Variants in YBX3 observed in about 807,000 individuals in gnomAD.
YBX3 encodes Y-box-binding protein 3.
Under a neutral mutation model 42.4 loss-of-function variants are expected in YBX3, and 29 were observed. The observed-to-expected ratio is 0.68, with a 90% CI of 0.51 to 0.93. The LOEUF is 0.93. YBX3 is among the 40% of genes least tolerant of loss of function. The pLI is 0.00. For synonymous variants in YBX3, 195 were observed against 189.8 expected, an observed-to-expected ratio of 1.03 and a Z score of -0.22; for missense variants, 517 against 527.5, an observed-to-expected ratio of 0.98 and a Z score of 0.19.
Position 10,718,094 on chromosome 12 carries a change from T to G in YBX3, c.354A>C (p.Val118=). 1 of 1,612,130 alleles carries G rather than the reference T, an allele frequency of 6.2e-7. No individual in the cohort carries two copies. Among genetic ancestry groups the G allele is most frequent in the Non-Finnish European group, 8.5e-7 (1 of 1,179,038 alleles). ...TATTTATAATCCCTCTTACCTGATG[T>G]ACAAATACATCTTCTTTGGTGTCAT... is the stretch of plus-strand genomic sequence containing the variant. ...NRNDTKEDVF[V]HQTAIKKNNP... Residue 118 remains valine, a synonymous_variant, in exon 3 of 10, where the codon GTA becomes GTC. Coordinates refer to ENST00000228251, the MANE Select transcript of YBX3 (RefSeq NM_003651.5).
At position 10,715,742 on chromosome 12, in the gene YBX3, A is replaced by G. The variant is rs752389718; in HGVS notation, c.402T>C (p.Ser134=). Residue 134 remains serine (S), a synonymous_variant, in exon 4 of 10, where the codon AGT becomes AGC. Transcript: ENST00000228251. ...KKNNPRKYLR[S]VGDGETVEFD... ...ACTCTACAGTTTCTCCATCTCCTACACTGCGCAGATATTTCCGTGGGTTAT... is the reference window on the plus strand; with the variant it reads ...ACTCTACAGTTTCTCCATCTCCTACGCTGCGCAGATATTTCCGTGGGTTAT... 3 of 1,613,906 alleles carry G rather than the reference A, an allele frequency of 1.9e-6. No homozygotes were observed. Among genetic ancestry groups the G allele is most frequent in the African/African-American group, 2.7e-5 (2 of 74,976 alleles).
chr12:10,709,828 T>A (rs1045160439), intron 6 of YBX3, 80 bp downstream of exon 6: 6 of 1,532,872 alleles, frequency 3.9e-6, no homozygotes, highest in Non-Finnish European at 5.4e-6. Context: ...CAGCTGATGT[T>A]GGAGGAGGAG....
chr12:10,710,737 A>G (rs1167086347), intron 5 of YBX3: 1 of 470,116 alleles, frequency 2.1e-6, no homozygotes, highest in Non-Finnish European at 4.1e-6. Flanking sequence ...GACTGAATGC[A>G]GAAACAGATG....
intron 6 of YBX3, 56 bp downstream of exon 6, chr12:10,709,852 C>A (rs897816131): frequency 6.3e-7 from 1 of 1,594,474 alleles, no homozygotes; most frequent in African/African-American, 1.3e-5. Context: ...GAAGAGGAGG[C>A]AGAGAAGGAC....
At chr12:10,718,403 G>A (rs1948287618) in intron 2 of YBX3, 1 of 326,364 alleles carries the variant, frequency 3.1e-6, no homozygotes, top group South Asian at 6.6e-5. Flanking sequence ...ATCACATGGT[G>A]TGTAATCAGA....
chr12:10,714,054 C>G (rs576743446), intron 4 of YBX3, among the ~76,000 whole-genome samples: 14 of 152,266 alleles, frequency 9.2e-5, no homozygotes, highest in Middle Eastern at 3.4e-3. Context: ...GAAAAATCAA[C>G]CCAAAACAAT....
At chr12:10,718,026 C>A in intron 3 of YBX3, 62 bp downstream of exon 3, 1 of 1,423,256 alleles carries the variant, frequency 7.0e-7, no homozygotes, top group Non-Finnish European at 9.7e-7. Flanking sequence ...TGGGAAAGGG[C>A]TGACAGAAGA....
intron 4 of YBX3, among the ~76,000 whole-genome samples, chr12:10,714,762 CT>C (rs202076071): frequency 1.1e-3 from 159 of 145,304 alleles, no homozygotes; most frequent in Non-Finnish European, 1.2e-3. Context: ...TTTTTCTTTT[CT>C]TTTTTTTTTT....
intron 1 of YBX3, among the ~76,000 whole-genome samples, chr12:10,719,730 T>C (rs1040038040): frequency 6.6e-6 from 1 of 152,236 alleles, no homozygotes; most frequent in Non-Finnish European, 1.5e-5. Flanking sequence ...TGAGACGTGA[T>C]ATAACAGGTC....
At chr12:10,716,401 A>G (rs1227927742) in intron 3 of YBX3, among the ~76,000 whole-genome samples, 1 of 152,162 alleles carries the variant, frequency 6.6e-6, no homozygotes, top group African/African-American at 2.4e-5. Flanking sequence ...TACTCTACCT[A>G]TATGATATTT....
chr12:10,702,331 G>T (rs1192189929), intron 7 of YBX3, 197 bp from the exon 8 acceptor site: 7 of 363,492 alleles, frequency 1.9e-5, no homozygotes, highest in Non-Finnish European at 2.9e-5. Context: ...GACCAGCCTG[G>T]CCAACATGGT....
chr12:10,717,138 A>G (rs1263901549), intron 3 of YBX3, among the ~76,000 whole-genome samples: 4 of 152,356 alleles, frequency 2.6e-5, no homozygotes, highest in Admixed American at 6.5e-5. Context: ...TATCCAGTCA[A>G]GTAGAAATAT....
intron 4 of YBX3, among the ~76,000 whole-genome samples, chr12:10,714,653 T>C (rs1948239050): frequency 6.6e-6 from 1 of 152,182 alleles, no homozygotes; most frequent in Non-Finnish European, 1.5e-5. Context: ...TTTATTGGGA[T>C]TAAAATATTC....
rs776245310 is a variant in YBX3 at position 10,722,911 on chromosome 12, G to A, written c.201C>T (p.Thr67=). 3.5e-6 allele frequency: 5 copies of A among 1,423,250 alleles called. No individual in the cohort carries two copies. The highest frequency in any genetic ancestry group is 2.7e-5 in the Admixed American group (1 of 37,630). 88.2% of individuals were successfully genotyped at this position (1,423,250 alleles called of 1,614,324 possible). ...CGGTGGCTAAAGAGGCGGCGGCCGC[G>A]GTGCCCGTGGCTGCGGGGGCCGCGT... The part of the protein sequence containing the change: ...GGDAAPAATG[T]AAAASLATAA... The change falls in exon 1 of 10, where the codon ACC becomes ACT. Residue 67 remains threonine, a synonymous_variant. Transcript: ENST00000228251.
chr12:10,713,213 T>C lies in YBX3; in HGVS notation c.571A>G (p.Asn191Asp). The change falls in exon 5 of 10, where the codon AAT becomes GAT. Residue 191 changes from asparagine (N) to aspartate (D), a missense_variant and splice_region_variant. Coordinates refer to ENST00000228251, the MANE Select transcript of YBX3 (RefSeq NM_003651.5). ...YYGRRRGPPR[N>D]YAGEEEEEGS... The stretch of plus-strand genomic sequence containing the variant: ...GTTAAGTAACAGAGACAACGTACAT[T>C]CCGGGGAGGGCCACGGCGCCTTCCA... The C allele has an allele frequency of 6.2e-7, 1 of 1,610,696 alleles. No individual in the cohort carries two copies. Among genetic ancestry groups the C allele is most frequent in the East Asian group, 2.2e-5 (1 of 44,848 alleles).
In YBX3 at chr12:10,715,721, TAC is replaced by T; in HGVS notation, c.421_422del (p.Val141ArgfsTer3). The T allele has an allele frequency of 1.2e-6, 2 of 1,614,082 alleles. No individual in the cohort carries two copies. Among genetic ancestry groups the T allele is most frequent in the Non-Finnish European group, 1.7e-6 (2 of 1,179,972 alleles). The stretch of plus-strand genomic sequence containing the variant: ...TCTCTCCTTCAACCACATCAAACTC[TAC>T]AGTTTCTCCATCTCCTACACTGCGC... Reference protein sequence around the residue: ...YLRSVGDGETVEFDVVEGEKG... With the variant: ...YLRSVGDGETXEFDVVEGEKG... On this transcript the variant is annotated frameshift_variant, in exon 4 of 10. Transcript: ENST00000228251. LOFTEE classifies it high-confidence loss of function.
chr12:10,708,624 G>A (rs1241997668), intron 6 of YBX3, among the ~76,000 whole-genome samples: 4 of 152,202 alleles, frequency 2.6e-5, no homozygotes, highest in African/African-American at 7.2e-5. Flanking sequence ...ACATGGAATA[G>A]GTAGGAAAGT....
chr12:10,701,151 G>A (rs1948073572), intron 9 of YBX3, 103 bp downstream of exon 9: 5 of 658,574 alleles, frequency 7.6e-6, no homozygotes, highest in South Asian at 1.8e-5. Context: ...GGTTGGCACA[G>A]ATGAACTGCA....
intron 6 of YBX3, among the ~76,000 whole-genome samples, chr12:10,705,091 G>A (rs950407013): frequency 2.6e-5 from 4 of 151,834 alleles, no homozygotes; most frequent in Admixed American, 6.6e-5. Flanking sequence ...GTTTGGAGCA[G>A]TTTTTTTTAA....
Sources: gnomAD v4.1 joint callset for allele counts (sites outside exome capture counted in the v4.1 genomes callset) on GRCh38, gnomAD v4.1.1 for gene constraint, MANE v1.5 for transcripts, NCBI Gene and HGNC (gene_info 2026-07-23, HGNC 2026-07-21) for gene names.